FLI1: variants seen among roughly 807,000 people sequenced by gnomAD.
FLI1 encodes Fli-1 proto-oncogene, ETS transcription factor, also known as Friend leukemia integration 1 transcription factor.
Under a neutral mutation model 53.1 loss-of-function variants are expected in FLI1, and 13 were observed. The observed-to-expected ratio is 0.24, with a 90% CI of 0.16 to 0.39. The LOEUF (loss-of-function observed/expected upper bound fraction) is 0.39, where lower values mean the gene tolerates loss of function less well. Ranked by LOEUF, FLI1 falls within the 10% of genes least tolerant of loss-of-function variation. The probability of loss-of-function intolerance (pLI) is 1.00; values close to 1 mark genes in which losing one functional copy is unlikely to be tolerated. For synonymous variants in FLI1, 244 were observed against 236.7 expected (o/e 1.03, Z -0.28); for missense variants, 424 against 600.5 (o/e 0.71, Z 3.07).
At chr11:128,794,586 T>C (rs1942374435) in intron 5 of FLI1, among the ~76,000 whole-genome samples, 1 of 152,224 alleles carries the variant, frequency 6.6e-6, no homozygotes, top group South Asian at 2.1e-4. Context: ...ATAAAAACCT[T>C]TCTAATCCCT....
At chr11:128,760,891 C>G (rs1941090658) in intron 2 of FLI1, among the ~76,000 whole-genome samples, 1 of 152,102 alleles carries the variant, frequency 6.6e-6, no homozygotes, top group South Asian at 2.1e-4. Context: ...CTGCCCCTGC[C>G]TGGTGCAAGC....
At chr11:128,695,422 C>A (rs1046698632) in intron 1 of FLI1, among the ~76,000 whole-genome samples, 4 of 152,086 alleles carry the variant, frequency 2.6e-5, no homozygotes, top group Non-Finnish European at 4.4e-5. Flanking sequence ...ATTAGGCTGG[C>A]GAGGTGGGGA....
chr11:128,721,328 G>A (rs1744621624), intron 1 of FLI1, among the ~76,000 whole-genome samples: 1 of 152,170 alleles, frequency 6.6e-6, no homozygotes, highest in Admixed American at 6.5e-5. Flanking sequence ...AGGGATGGAA[G>A]AATGGAGGCG....
At chr11:128,778,368 C>T (rs1941809109) in intron 4 of FLI1, among the ~76,000 whole-genome samples, 1 of 152,232 alleles carries the variant, frequency 6.6e-6, no homozygotes, top group Non-Finnish European at 1.5e-5. Flanking sequence ...CACCCCACAA[C>T]CGCTTCCTCC....
intron 1 of FLI1, among the ~76,000 whole-genome samples, chr11:128,742,570 G>A (rs1299288304): frequency 6.6e-6 from 1 of 152,176 alleles, no homozygotes; most frequent in Admixed American, 6.5e-5. Context: ...ATGAACTAAA[G>A]TTGACTAAAA....
chr11:128,787,826 A>ATTTTT (rs1942138744), intron 5 of FLI1, among the ~76,000 whole-genome samples: 1 of 68,132 alleles, frequency 1.5e-5, no homozygotes, highest in African/African-American at 6.4e-5. Flanking sequence ...TTTTTTTTTG[A>ATTTTT]GATGGAGTCT....
rs913334472 is a variant in FLI1, at chr11:128,694,117, G to T, written c.-142G>T. ...AACAAACGTGCACAGGGGAGTGAGGGCAGGGCGCTCGCAGGGGGCACGCAG... is the reference window on the plus strand; with the variant it reads ...AACAAACGTGCACAGGGGAGTGAGGTCAGGGCGCTCGCAGGGGGCACGCAG... On this transcript the variant is annotated 5_prime_UTR_variant, in exon 1 of 9. Transcript: ENST00000527786. 6 of 746,916 alleles carry T rather than the reference G, an allele frequency of 8.0e-6. No individual in the cohort carries two copies. The highest frequency in any genetic ancestry group is 1.2e-5 in the Non-Finnish European group (6 of 492,922). 46.3% of individuals were successfully genotyped at this position (746,916 alleles called of 1,614,324 possible). A position where few individuals can be genotyped will look rare whatever the true frequency, so the allele number is the denominator to read the frequency against.
intron 5 of FLI1, chr11:128,804,649 C>T (rs1466881641): frequency 6.6e-6 from 1 of 152,320 alleles, no homozygotes; most frequent in Admixed American, 6.5e-5. Context: ...CTGGCCTCTT[C>T]CCTTTCTCTG....
At chr11:128,790,592 C>T (rs762653941) in intron 5 of FLI1, among the ~76,000 whole-genome samples, 6 of 152,186 alleles carry the variant, frequency 3.9e-5, no homozygotes, top group South Asian at 2.1e-4. Context: ...CTATTGCACA[C>T]GTGTGGCTCA....
At chr11:128,783,280 C>T (rs1233956138) in intron 5 of FLI1, among the ~76,000 whole-genome samples, 2 of 152,220 alleles carry the variant, frequency 1.3e-5, no homozygotes, top group East Asian at 3.8e-4. Flanking sequence ...GAGCCAAAGG[C>T]ACTAGCTGGC....
Position 128,752,223 on chromosome 11 carries a change from G to A in FLI1, c.19-5892G>A, listed in dbSNP as rs773256034. Reference sequence around the variant, plus strand: ...CCTCCTGGCCTCAGATGATCTTCCCGCCTCAGCCTTCCAAAATGCTGGGAT... The same window carrying A: ...CCTCCTGGCCTCAGATGATCTTCCCACCTCAGCCTTCCAAAATGCTGGGAT... On this transcript the variant is annotated intron_variant, in intron 1 of 8. Transcript: ENST00000527786. 4.6e-5 allele frequency among the ~76,000 whole-genome samples: 7 copies of A among 151,952 alleles called. No homozygotes were observed. The South Asian group carries it at 6.2e-4, about 14-fold the overall frequency.
intron 1 of FLI1, among the ~76,000 whole-genome samples, chr11:128,731,796 A>G (rs1939709854): frequency 6.6e-6 from 1 of 152,194 alleles, no homozygotes; most frequent in Non-Finnish European, 1.5e-5. Flanking sequence ...TGAGGTCAGG[A>G]GTTCGAGATC....
upstream of FLI1, among the ~76,000 whole-genome samples, chr11:128,689,866 C>A (rs1040330540): frequency 6.6e-6 from 1 of 151,704 alleles, no homozygotes; most frequent in African/African-American, 2.4e-5. Flanking sequence ...CCGCCCCCGG[C>A]CCTCCCGCCG....
intron 5 of FLI1, chr11:128,804,823 C>T (rs1214027760): frequency 1.3e-5 from 2 of 152,232 alleles, no homozygotes; most frequent in East Asian, 1.9e-4. Flanking sequence ...GGCTTTGAGA[C>T]ACTCTTCTTA....
intron 1 of FLI1, 21 bp from the exon 2 acceptor site, chr11:128,758,094 G>A: frequency 6.3e-7 from 1 of 1,599,366 alleles, no homozygotes; most frequent in Non-Finnish European, 8.5e-7. Flanking sequence ...TGGGCTTTCT[G>A]TCTCTTCTCT....
chr11:128,725,326 T>C (rs1198893103), intron 1 of FLI1, among the ~76,000 whole-genome samples: 2 of 152,188 alleles, frequency 1.3e-5, no homozygotes, highest in African/African-American at 4.8e-5. Context: ...GCCTCCAACC[T>C]GCACATGTCA....
Position 128,807,210 on chromosome 11 carries a change from G to C in FLI1, c.752G>C (p.Ser251Thr), listed in dbSNP as rs530820815. Residue 251 changes from serine (S) to threonine (T), a missense_variant, in exon 7 of 9, where the codon AGT (serine) becomes ACT (threonine). Coordinates refer to ENST00000527786, the MANE Select transcript of FLI1 (RefSeq NM_002017.5). The part of the protein sequence containing the change: ...SPPLGGAQTI[S>T]KNTEQRPQPD... ...CCCCTTGGAGGGGCACAAACGATCA[G>C]TAAGAATACAGAGCAACGGCCCCAG... The C allele has an allele frequency of 6.2e-7, 1 of 1,600,668 alleles. No individual in the cohort carries two copies. Among genetic ancestry groups the C allele is most frequent in the African/African-American group, 1.3e-5 (1 of 74,562 alleles).
At chr11:128,741,019 C>G (rs189694008) in intron 1 of FLI1, among the ~76,000 whole-genome samples, 4 of 152,130 alleles carry the variant, frequency 2.6e-5, no homozygotes, top group African/African-American at 9.7e-5. Context: ...GCCAGCATCC[C>G]CAGGCTGGGT....
chr11:128,730,430 C>T (rs1438602993), intron 1 of FLI1, among the ~76,000 whole-genome samples: 1 of 152,182 alleles, frequency 6.6e-6, no homozygotes, highest in Non-Finnish European at 1.5e-5. Flanking sequence ...AGGAGCAAAT[C>T]GGTGCTACTA....
Sources: gnomAD v4.1 joint callset for allele counts (sites outside exome capture counted in the v4.1 genomes callset) on GRCh38, gnomAD v4.1.1 for gene constraint, MANE v1.5 for transcripts, NCBI Gene and HGNC (gene_info 2026-07-23, HGNC 2026-07-21) for gene names.